Variants in ARHGEF7 observed in about 807,000 individuals in gnomAD.
ARHGEF7 encodes the protein PAK-interacting exchange factor beta.
Under a neutral mutation model 109.8 loss-of-function variants are expected in ARHGEF7, and 33 were observed. The observed-to-expected ratio is 0.30, with a 90% CI of 0.23 to 0.40. ARHGEF7 has a LOEUF of 0.40. ARHGEF7 is among the 10% of genes least tolerant of loss of function. ARHGEF7 has a pLI of 1.00. For missense variants in ARHGEF7, 938 were observed against 1,098.5 expected (o/e 0.85, Z 2.07); for synonymous variants, 458 against 424.6 (o/e 1.08, Z -0.97).
chr13:111,211,613 A>G (rs183549717), intron 4 of ARHGEF7, among the ~76,000 whole-genome samples: 235 of 152,312 alleles, frequency 1.5e-3, no homozygotes, highest in Non-Finnish European at 2.6e-3. Context: ...ATTGGGTGCT[A>G]GAGAGCTGCT....
At chr13:111,269,263 A>C (rs1483429859) in intron 9 of ARHGEF7, among the ~76,000 whole-genome samples, 1 of 152,226 alleles carries the variant, frequency 6.6e-6, no homozygotes. Flanking sequence ...CAGAAAGCGC[A>C]ATGCAAGTGT....
chr13:111,139,280 A>C (rs1370664490), intron 1 of ARHGEF7, among the ~76,000 whole-genome samples: 1 of 152,160 alleles, frequency 6.6e-6, no homozygotes. Flanking sequence ...GACAGCAGAC[A>C]GTGTGGGAAC....
chr13:111,172,151 G>A (rs941300508), intron 2 of ARHGEF7, among the ~76,000 whole-genome samples: 2 of 152,186 alleles, frequency 1.3e-5, no homozygotes, highest in Non-Finnish European at 2.9e-5. Context: ...AAATACGTAA[G>A]TAGCTCTTAC....
upstream of ARHGEF7, chr13:111,115,063 C>G (rs1354397453): frequency 6.6e-6 from 1 of 151,040 alleles, no homozygotes; most frequent in South Asian, 2.1e-4. Context: ...GGCAGGTAAG[C>G]GCAGGTGCGC....
Position 111,243,980 on chromosome 13 carries a change from TA to T in ARHGEF7, c.854+17del, listed in dbSNP as rs1476938765. Reference sequence around the variant, plus strand: ...GACCAGTGAGAAGTAAGTTAGATGATAAATTGCATTAACTGTAAAATAGTCT... The same window carrying T: ...GACCAGTGAGAAGTAAGTTAGATGATAATTGCATTAACTGTAAAATAGTCT... On this transcript the variant is annotated intron_variant, in intron 7 of 21. Transcript: ENST00000646102. 2 of 1,574,070 alleles carry T rather than the reference TA, an allele frequency of 1.3e-6. No homozygotes were observed. Among genetic ancestry groups the T allele is most frequent in the South Asian group, 1.1e-5 (1 of 89,700 alleles).
chr13:111,287,899 C>T (rs1443162477), intron 17 of ARHGEF7, among the ~76,000 whole-genome samples: 1 of 152,248 alleles, frequency 6.6e-6, no homozygotes, highest in East Asian at 1.9e-4. Context: ...CGGATGGCCA[C>T]GTCGACACTG....
chr13:111,217,300 G>T (rs1343871149), intron 4 of ARHGEF7, among the ~76,000 whole-genome samples: 1 of 152,206 alleles, frequency 6.6e-6, no homozygotes, highest in African/African-American at 2.4e-5. Flanking sequence ...ATAATGAGTG[G>T]TATAGTCATA....
At chr13:111,267,071 G>C (rs1484040474) in intron 8 of ARHGEF7, among the ~76,000 whole-genome samples, 3 of 152,090 alleles carry the variant, frequency 2.0e-5, no homozygotes, top group Non-Finnish European at 2.9e-5. Flanking sequence ...TAACTGTCAG[G>C]ATGCTGTGGA....
chr13:111,170,772 G>A (rs191475446), intron 2 of ARHGEF7, among the ~76,000 whole-genome samples: 160 of 152,344 alleles, frequency 1.1e-3, no homozygotes, highest in Admixed American at 1.7e-3. Flanking sequence ...GCCCCTGGAA[G>A]CAGAGCCTGC....
intron 1 of ARHGEF7, among the ~76,000 whole-genome samples, chr13:111,123,533 A>C (rs1021997533): frequency 6.6e-6 from 1 of 152,200 alleles, no homozygotes; most frequent in Non-Finnish European, 1.5e-5. Context: ...GGACATGCCG[A>C]TATATGTAAA....
chr13:111,165,077 G>A (rs1436953412), intron 2 of ARHGEF7, among the ~76,000 whole-genome samples: 1 of 152,108 alleles, frequency 6.6e-6, no homozygotes, highest in African/African-American at 2.4e-5. Flanking sequence ...GAACATGTAG[G>A]GGTTGAGTGG....
intron 15 of ARHGEF7, chr13:111,280,901 G>A (rs529356140): frequency 3.1e-5 from 15 of 483,602 alleles, no homozygotes; most frequent in Admixed American, 4.0e-5. Flanking sequence ...GCCTCCTCAC[G>A]CACAGTTCAG....
At chr13:111,160,897 ATT>A (rs746307336) in intron 2 of ARHGEF7, among the ~76,000 whole-genome samples, 54 of 152,230 alleles carry the variant, frequency 3.5e-4, no homozygotes, top group Non-Finnish European at 5.4e-4. Context: ...ACTGTGAGTC[ATT>A]TAAACCTCTT....
In ARHGEF7 at chr13:111,304,044, G is replaced by A. The variant is rs1003410326; in HGVS notation, c.*931G>A. On this transcript the variant is annotated 3_prime_UTR_variant, in exon 22 of 22. Coordinates refer to ENST00000646102, the MANE Select transcript of ARHGEF7 (RefSeq NM_001354046.2). ...AAAACAGATGGAGGCCATGCTGCAG[G>A]CTGATACTGATGGGTGGAGTTTTGT... 1 of 152,212 alleles carries A rather than the reference G, an allele frequency of 6.6e-6. No individual in the cohort carries two copies. The highest frequency in any genetic ancestry group is 1.5e-5 in the Non-Finnish European group (1 of 68,040). 9.4% of individuals were successfully genotyped at this position (152,212 alleles called of 1,614,324 possible).
Position 111,217,850 on chromosome 13 carries a change from A to T in ARHGEF7, c.640A>T (p.Ser214Cys), listed in dbSNP as rs1330465478. 1 of 1,613,614 alleles carries T rather than the reference A, an allele frequency of 6.2e-7. No homozygotes were observed. The highest frequency in any genetic ancestry group is 2.2e-5 in the East Asian group (1 of 44,854). ...CAACGGCCGGACCGGCTGGTTCCCC[A>T]GCAACTACGTGCGCGAGGTCAAGGC... ...TLNGRTGWFP[S>C]NYVREVKASE... The change falls in exon 5 of 22, where the codon AGC becomes TGC. Residue 214 changes from serine (S) to cysteine (C), a missense_variant. Coordinates refer to ENST00000646102, the MANE Select transcript of ARHGEF7 (RefSeq NM_001354046.2).
At chr13:111,181,213 A>G (rs1213296481) in intron 2 of ARHGEF7, among the ~76,000 whole-genome samples, 1 of 151,932 alleles carries the variant, frequency 6.6e-6, no homozygotes, top group Admixed American at 6.6e-5. Context: ...GAGTTTGAAC[A>G]TTGATCACAT....
At chr13:111,146,947 T>C (rs376868185) in intron 1 of ARHGEF7, among the ~76,000 whole-genome samples, 15 of 152,368 alleles carry the variant, frequency 9.8e-5, no homozygotes, top group East Asian at 7.7e-4. Context: ...TCTGGGACTA[T>C]GTCTCTGCCT....
chr13:111,222,092 AC>A (rs2084505586), intron 5 of ARHGEF7, among the ~76,000 whole-genome samples: 1 of 152,108 alleles, frequency 6.6e-6, no homozygotes, highest in Non-Finnish European at 1.5e-5. Flanking sequence ...TTCCCAGTTC[AC>A]GGACTCAAAT....
intron 2 of ARHGEF7, among the ~76,000 whole-genome samples, chr13:111,183,768 T>G (rs1439124419): frequency 6.6e-6 from 1 of 152,166 alleles, no homozygotes; most frequent in Non-Finnish European, 1.5e-5. Flanking sequence ...TTTTGCTAAT[T>G]GTACCGGTTT....
Sources: allele counts gnomAD v4.1 joint callset (sites outside exome capture counted in the v4.1 genomes callset), GRCh38; gene constraint gnomAD v4.1.1; transcripts MANE v1.5; gene names NCBI Gene and HGNC (gene_info 2026-07-23, HGNC 2026-07-21).